Variants in CNTN1 observed in about 807,000 individuals in gnomAD.
The protein encoded by CNTN1 is contactin-1.
CNTN1 carries 38 observed loss-of-function variants against 126.4 expected under a neutral mutation model. That is an observed-to-expected ratio of 0.30 (90% CI 0.23 to 0.39). The LOEUF (loss-of-function observed/expected upper bound fraction) is 0.39. Among genes scored for constraint, CNTN1 ranks in the 10% least tolerant of loss-of-function variants. The pLI, the probability that CNTN1 is intolerant of heterozygous loss-of-function variation, is 1.00. For missense variants in CNTN1, 1,009 were observed against 1,248.4 expected, an observed-to-expected ratio of 0.81 and a Z score of 2.89; for synonymous variants, 413 against 422.6, an observed-to-expected ratio of 0.98 and a Z score of 0.28.
intron 1 of CNTN1, among the ~76,000 whole-genome samples, chr12:40,906,488 A>C (rs17621741): frequency 0.49 from 73,880 of 151,626 alleles, 18,163 homozygotes; most frequent in African/African-American, 0.56. Flanking sequence ...CTTGCAAATC[A>C]GGGAGTATAT....
intron 15 of CNTN1, chr12:40,971,767 G>A: frequency 1.6e-6 from 2 of 1,220,006 alleles, no homozygotes; most frequent in Non-Finnish European, 2.0e-6. Context: ...CCAAGTGAAA[G>A]TTTTGTGTTT....
chr12:40,909,048 A>T (rs1316958760), intron 2 of CNTN1, among the ~76,000 whole-genome samples: 1 of 152,174 alleles, frequency 6.6e-6, no homozygotes, highest in Admixed American at 6.5e-5. Context: ...CTGAAAATTA[A>T]TAATCACTTC....
chr12:40,854,841 A>G (rs1046208167), intron 1 of CNTN1, among the ~76,000 whole-genome samples: 29 of 152,240 alleles, frequency 1.9e-4, no homozygotes, highest in Non-Finnish European at 3.2e-4. Flanking sequence ...AAGATAGCCC[A>G]GAGGAGTCAG....
At chr12:40,801,520 G>T (rs956718533) in intron 1 of CNTN1, among the ~76,000 whole-genome samples, 28 of 151,966 alleles carry the variant, frequency 1.8e-4, no homozygotes, top group Admixed American at 1.4e-3. Flanking sequence ...TTCCTAGTTT[G>T]CAAAGTAGTA....
At chr12:41,026,291 G>T (rs138566585) in intron 21 of CNTN1, among the ~76,000 whole-genome samples, 12 of 152,096 alleles carry the variant, frequency 7.9e-5, no homozygotes, top group African/African-American at 2.9e-4. Flanking sequence ...TGCTATTCTC[G>T]CATGGTTTAC....
At chr12:40,892,424 C>A (rs1258829367) in intron 1 of CNTN1, among the ~76,000 whole-genome samples, 43 of 151,968 alleles carry the variant, frequency 2.8e-4, no homozygotes, top group Admixed American at 2.8e-3. Context: ...TAAATCCCAG[C>A]CACATTAGAA....
intron 1 of CNTN1, among the ~76,000 whole-genome samples, chr12:40,774,129 A>C (rs540901567): frequency 6.6e-6 from 1 of 151,784 alleles, no homozygotes; most frequent in Admixed American, 6.6e-5. Flanking sequence ...GAAGATTGTA[A>C]GATAACATAA....
chr12:40,820,926 A>G (rs1266218680), intron 1 of CNTN1, among the ~76,000 whole-genome samples: 1 of 152,180 alleles, frequency 6.6e-6, no homozygotes, highest in African/African-American at 2.4e-5. Context: ...CCTTTGAGCA[A>G]TCCCAAGGAT....
Position 40,943,683 on chromosome 12 carries a change from A to G in CNTN1, c.1466A>G (p.Asn489Ser), listed in dbSNP as rs573923461. ...ATCTATACATGCTTTGCAGAAAATA[A>G]CAGAGGGAAAGCTAATAGCACTGGA... ...GGIYTCFAEN[N>S]RGKANSTGTL... Residue 489 changes from asparagine (N) to serine (S), a missense_variant, in exon 13 of 24, where the codon AAC becomes AGC. Transcript: ENST00000551295. 1.2e-6 allele frequency: 2 copies of G among 1,612,794 alleles called. No homozygotes were observed. The highest frequency in any genetic ancestry group is 1.7e-5 in the Admixed American group (1 of 59,912).
chr12:40,767,726 C>A (rs1397073429), intron 1 of CNTN1, among the ~76,000 whole-genome samples: 3 of 152,054 alleles, frequency 2.0e-5, no homozygotes, highest in Non-Finnish European at 4.4e-5. Context: ...CTCCACCTCC[C>A]GGGTCTACTG....
At chr12:40,707,463 A>C (rs555436235) in intron 1 of CNTN1, among the ~76,000 whole-genome samples, 1 of 152,050 alleles carries the variant, frequency 6.6e-6, no homozygotes, top group African/African-American at 2.4e-5. Flanking sequence ...TGTGTTAGCC[A>C]GGATGGTCTC....
intron 23 of CNTN1, among the ~76,000 whole-genome samples, chr12:41,058,161 T>C (rs1949866045): frequency 6.6e-6 from 1 of 152,004 alleles, no homozygotes; most frequent in Non-Finnish European, 1.5e-5. Flanking sequence ...AGGTAAGACA[T>C]AGTAAATCCA....
chr12:40,966,464 G>A (rs542978708), intron 15 of CNTN1, among the ~76,000 whole-genome samples: 3 of 151,992 alleles, frequency 2.0e-5, no homozygotes, highest in South Asian at 2.1e-4. Flanking sequence ...AAAGAAATAC[G>A]ACTGGGCTGG....
In CNTN1 at chr12:40,970,051, G is replaced by C. The variant is rs180842010; in HGVS notation, c.1804+10817G>C. 1.5e-4 allele frequency among the ~76,000 whole-genome samples: 23 copies of C among 152,020 alleles called. No homozygotes were observed. The South Asian group carries it at 4.6e-3, about 30-fold the overall frequency. Reference sequence around the variant, plus strand: ...CTTCACACATTCCTGAGAATTTCTCGAGAAGAAAGGAACTGTTACTGATAG... The same window carrying C: ...CTTCACACATTCCTGAGAATTTCTCCAGAAGAAAGGAACTGTTACTGATAG... On this transcript the variant is annotated intron_variant, in intron 15 of 23. Transcript: ENST00000551295.
chr12:40,827,189 TC>T (rs201206018), intron 1 of CNTN1, among the ~76,000 whole-genome samples: 3,549 of 149,424 alleles, frequency 0.024, 137 homozygotes, highest in African/African-American at 0.082. Context: ...TTTTTTTTTT[TC>T]AGGCAATGAA....
chr12:40,992,380 C>T (rs576675866), intron 16 of CNTN1, among the ~76,000 whole-genome samples: 1 of 152,152 alleles, frequency 6.6e-6, no homozygotes, highest in African/African-American at 2.4e-5. Context: ...CCTACAGGTA[C>T]AGGTATTTAT....
At chr12:40,972,350 A>T in intron 15 of CNTN1, 2 of 984,870 alleles carry the variant, frequency 2.0e-6, no homozygotes, top group Non-Finnish European at 2.4e-6. Flanking sequence ...ATTGTTTGAA[A>T]ATACCTTCAC....
At chr12:40,721,622 A>G (rs1447076766) in intron 1 of CNTN1, among the ~76,000 whole-genome samples, 1 of 149,760 alleles carries the variant, frequency 6.7e-6, no homozygotes, top group Non-Finnish European at 1.5e-5. Context: ...ACATATGTAT[A>G]CATGTGCCAT....
At chr12:40,873,696 T>G (rs1486551480) in intron 1 of CNTN1, among the ~76,000 whole-genome samples, 1 of 152,168 alleles carries the variant, frequency 6.6e-6, no homozygotes, top group Non-Finnish European at 1.5e-5. Flanking sequence ...AATTTTAAGA[T>G]GTACCAATAT....
Sources: allele counts gnomAD v4.1 joint callset (sites outside exome capture counted in the v4.1 genomes callset), GRCh38; gene constraint gnomAD v4.1.1; transcripts MANE v1.5; gene names NCBI Gene and HGNC (gene_info 2026-07-23, HGNC 2026-07-21).